Variants in RIT2 observed in about 807,000 individuals in gnomAD.
The protein encoded by RIT2 is Ras like without CAAX 2, also known as GTP-binding protein Rit2.
A neutral mutation model predicts 23.7 loss-of-function variants in RIT2; 24 were observed. That is an observed-to-expected ratio of 1.01 (90% CI 0.73 to 1.43). RIT2 has a LOEUF of 1.43. Among genes scored for constraint, RIT2 ranks in the 40% most tolerant of loss-of-function variants. The pLI, the probability that RIT2 is intolerant of heterozygous loss-of-function variation, is 0.00. For synonymous variants in RIT2, 107 were observed against 91.1 expected (o/e 1.17, Z -0.99); for missense variants, 236 against 266.9 (o/e 0.88, Z 0.81).
At chr18:42,842,402 C>T (rs760157858) in intron 4 of RIT2, among the ~76,000 whole-genome samples, 10 of 152,000 alleles carry the variant, frequency 6.6e-5, no homozygotes, top group Admixed American at 1.3e-4. Context: ...AAATTACTAA[C>T]GTAAAATATT....
chr18:42,818,435 A>G (rs1182623902), intron 4 of RIT2, among the ~76,000 whole-genome samples: 3 of 152,084 alleles, frequency 2.0e-5, no homozygotes, highest in African/African-American at 7.2e-5. Flanking sequence ...AGAACCTTAA[A>G]TGATAGACTG....
intron 4 of RIT2, among the ~76,000 whole-genome samples, chr18:42,846,914 G>A (rs1906924436): frequency 6.6e-6 from 1 of 152,086 alleles, no homozygotes; most frequent in Non-Finnish European, 1.5e-5. Flanking sequence ...TTACCAGAGT[G>A]TTAGAACACT....
intron 4 of RIT2, among the ~76,000 whole-genome samples, chr18:42,815,341 A>G (rs1459089095): frequency 6.6e-6 from 1 of 152,166 alleles, no homozygotes; most frequent in Non-Finnish European, 1.5e-5. Context: ...AAGTCTCAGC[A>G]ATAGAATCGA....
In RIT2 at chr18:43,068,647, A is replaced by G. The variant is rs79254532; in HGVS notation, c.104-34780T>C. 4.5e-3 allele frequency among the ~76,000 whole-genome samples: 682 copies of G among 152,236 alleles called. 6 individuals are homozygous for G. Among genetic ancestry groups the G allele is most frequent in the African/African-American group, 0.016 (652 of 41,556 alleles). ...AGGTAATATTGTTTTGGCAATTGAGAGAAAATATTCAGGAATGTCTGCACA... is the reference window on the plus strand; with the variant it reads ...AGGTAATATTGTTTTGGCAATTGAGGGAAAATATTCAGGAATGTCTGCACA... On this transcript the variant is annotated intron_variant, in intron 1 of 4. Coordinates refer to ENST00000326695, the MANE Select transcript of RIT2 (RefSeq NM_002930.4).
intron 3 of RIT2, among the ~76,000 whole-genome samples, chr18:42,959,878 C>A (rs1047139512): frequency 1.3e-5 from 2 of 152,112 alleles, no homozygotes; most frequent in African/African-American, 4.8e-5. Flanking sequence ...GATGAACAGG[C>A]ATGTGGAGAA....
At chr18:43,108,911 C>G (rs1276770988) in intron 1 of RIT2, among the ~76,000 whole-genome samples, 1 of 152,182 alleles carries the variant, frequency 6.6e-6, no homozygotes, top group Non-Finnish European at 1.5e-5. Context: ...GCCTTACAGT[C>G]CACAGGGTTA....
chr18:43,077,108 A>AGAAAAAAAAAC (rs1412051633), intron 1 of RIT2, among the ~76,000 whole-genome samples: 1 of 149,224 alleles, frequency 6.7e-6, no homozygotes, highest in African/African-American at 2.4e-5. Flanking sequence ...GTCTCAAAAA[A>AGAAAAAAAAAC]AAAAAAAAAA....
chr18:43,107,923 GAA>G (rs1386623281), intron 1 of RIT2, among the ~76,000 whole-genome samples: 3 of 151,758 alleles, frequency 2.0e-5, no homozygotes, highest in Non-Finnish European at 4.4e-5. Context: ...CAGCCCTTTG[GAA>G]GTCCGAGGCG....
chr18:42,923,606 A>G lies in RIT2; in HGVS notation c.392T>C (p.Val131Ala). The G allele has an allele frequency of 6.2e-7, 1 of 1,613,418 alleles. No individual in the cohort carries two copies. Among genetic ancestry groups the G allele is most frequent in the Non-Finnish European group, 8.5e-7 (1 of 1,179,594 alleles). ...CTGTTCCAGATCAATTTTGTTACCC[A>G]CCAGCACCAGGGGAATTTCATAGGT... Reference protein sequence around the residue: ...RHTYEIPLVLVGNKIDLEQFR... With the variant: ...RHTYEIPLVLAGNKIDLEQFR... Residue 131 changes from valine to alanine, a missense_variant, in exon 4 of 5, where the codon GTG becomes GCG. By Grantham distance (64) the Val-to-Ala change is moderately conservative (BLOSUM62 0). Transcript: ENST00000326695.
intron 3 of RIT2, among the ~76,000 whole-genome samples, chr18:42,957,247 C>A (rs1327460437): frequency 1.3e-5 from 2 of 152,078 alleles, no homozygotes; most frequent in South Asian, 2.1e-4. Flanking sequence ...ATAATGCATC[C>A]TTCATGCTTT....
At chr18:42,864,308 C>T (rs764693217) in intron 4 of RIT2, among the ~76,000 whole-genome samples, 7 of 152,126 alleles carry the variant, frequency 4.6e-5, no homozygotes, top group African/African-American at 9.7e-5. Context: ...CATTATGCCC[C>T]TGAATAATTG....
Position 42,886,381 on chromosome 18 carries a change from G to T in RIT2, c.426+37191C>A, listed in dbSNP as rs191621381. The stretch of plus-strand genomic sequence containing the variant: ...GATAAAAATTATGCTAGACATGACA[G>T]ATATGCTAGATAGCACAATAGGAAG... On this transcript the variant is annotated intron_variant, in intron 4 of 4. Coordinates refer to ENST00000326695, the MANE Select transcript of RIT2 (RefSeq NM_002930.4). Among the ~76,000 whole-genome samples the T allele has an allele frequency of 1.7e-3, 253 of 152,284 alleles. 2 individuals carry two copies. Among genetic ancestry groups the T allele is most frequent in the African/African-American group, 5.8e-3 (239 of 41,556 alleles).
intron 4 of RIT2, among the ~76,000 whole-genome samples, chr18:42,751,238 A>G (rs1473104425): frequency 6.6e-6 from 1 of 151,856 alleles, no homozygotes; most frequent in East Asian, 1.9e-4. Flanking sequence ...TAGAAAGGTA[A>G]TTTTTCTTTA....
intron 4 of RIT2, among the ~76,000 whole-genome samples, chr18:42,780,716 G>A (rs531194910): frequency 3.3e-5 from 5 of 152,010 alleles, no homozygotes; most frequent in East Asian, 1.9e-4. Context: ...ATCTTTCTGC[G>A]TTAATGTTGA....
At chr18:42,943,962 C>A (rs946773400) in intron 3 of RIT2, among the ~76,000 whole-genome samples, 3 of 152,048 alleles carry the variant, frequency 2.0e-5, no homozygotes, top group African/African-American at 7.2e-5. Context: ...ATGGGGTAAT[C>A]CCCACCCCAT....
chr18:42,958,420 T>C (rs915979970), intron 3 of RIT2, among the ~76,000 whole-genome samples: 3 of 152,118 alleles, frequency 2.0e-5, no homozygotes, highest in African/African-American at 7.2e-5. Flanking sequence ...GGGATAAGAA[T>C]GATGTCCATT....
chr18:43,022,711 T>A lies in RIT2; in HGVS notation c.160+11100A>T, dbSNP rs183651473. ...TATGAGGGCAGGAAAGTTGTTTTTT[T>A]CATTGCTATAGCCCAGCTCAGAAAT... On this transcript the variant is annotated intron_variant, in intron 2 of 4. Transcript: ENST00000326695. Among the ~76,000 whole-genome samples, 502 of 152,214 alleles carry A rather than the reference T, an allele frequency of 3.3e-3. 2 individuals are homozygous for A. The highest frequency in any genetic ancestry group is 0.012 in the African/African-American group (487 of 41,568).
intron 4 of RIT2, among the ~76,000 whole-genome samples, chr18:42,825,036 C>G (rs1906256497): frequency 6.6e-6 from 1 of 151,762 alleles, no homozygotes; most frequent in South Asian, 2.1e-4. Context: ...ATAACCAGTT[C>G]TACAATTTTG....
chr18:43,107,504 T>C (rs1414071077), intron 1 of RIT2, among the ~76,000 whole-genome samples: 1 of 152,198 alleles, frequency 6.6e-6, no homozygotes, highest in African/African-American at 2.4e-5. Flanking sequence ...TTAAAGAAAG[T>C]ATGCTTCCCT....
Sources: gnomAD v4.1 joint callset for allele counts (sites outside exome capture counted in the v4.1 genomes callset) on GRCh38, gnomAD v4.1.1 for gene constraint, MANE v1.5 for transcripts, NCBI Gene and HGNC (gene_info 2026-07-23, HGNC 2026-07-21) for gene names.